Variants in CTIF observed in about 807,000 individuals in gnomAD.
CTIF encodes the protein CBP80/20-dependent translation initiation factor.
In CTIF, 21 loss-of-function variants were observed where a neutral mutation model predicts 66.0. That is an observed-to-expected ratio of 0.32 (90% confidence interval 0.23 to 0.46). The LOEUF (loss-of-function observed/expected upper bound fraction) is 0.46, where lower values mean the gene tolerates loss of function less well. Ranked by LOEUF, CTIF falls within the 20% of genes least tolerant of loss-of-function variation. The pLI is 1.00. For synonymous variants in CTIF, 345 were observed against 326.4 expected, an observed-to-expected ratio of 1.06 and a Z score of -0.62; for missense variants, 739 against 812.7, an observed-to-expected ratio of 0.91 and a Z score of 1.10.
intron 3 of CTIF, among the ~76,000 whole-genome samples, chr18:48,636,915 G>A (rs537229247): frequency 1.3e-5 from 2 of 152,246 alleles, no homozygotes; most frequent in South Asian, 2.1e-4. Context: ...TAGTAGCTGC[G>A]TTCTATATAT....
At chr18:48,698,802 C>A (rs1195689487) in intron 6 of CTIF, among the ~76,000 whole-genome samples, 1 of 152,142 alleles carries the variant, frequency 6.6e-6, no homozygotes, top group African/African-American at 2.4e-5. Flanking sequence ...ACACTTGTTT[C>A]TGTTTGAATG....
At chr18:48,681,331 G>A (rs1460494011) in intron 6 of CTIF, among the ~76,000 whole-genome samples, 1 of 152,202 alleles carries the variant, frequency 6.6e-6, no homozygotes, top group Non-Finnish European at 1.5e-5. Flanking sequence ...TCTGGAGGCA[G>A]CCGATGGCCA....
rs1908553190 is a variant in CTIF at position 48,757,925 on chromosome 18, G to A, written c.591G>A (p.Gln197=). Reference sequence around the variant, plus strand: ...TTTCCTCTTCCGTTTGCAGGCGGCAGCAGAGACCTCCGGGGGGCAACAAGC... The same window carrying A: ...TTTCCTCTTCCGTTTGCAGGCGGCAACAGAGACCTCCGGGGGGCAACAAGC... ...FRRRRNDRRR[Q]QRPPGGNKPQ... Residue 197 remains glutamine (Q), a synonymous_variant, in exon 8 of 12, where the codon CAG becomes CAA. Transcript: ENST00000256413. 1.9e-6 allele frequency: 3 copies of A among 1,610,414 alleles called. No homozygotes were observed. The highest frequency in any genetic ancestry group is 2.5e-6 in the Non-Finnish European group (3 of 1,177,550).
Position 48,639,020 on chromosome 18 carries a change from C to A in CTIF, c.252+2335C>A, listed in dbSNP as rs527293592. On this transcript the variant is annotated intron_variant, in intron 3 of 11. Transcript: ENST00000256413. ...CAGAGGGAAGAGGGAGAGATGTCTA[C>A]TTCCGAGAAGTGGAAGAGGGGCTGG... 3.9e-5 allele frequency among the ~76,000 whole-genome samples: 6 copies of A among 152,334 alleles called. No homozygotes were observed. The East Asian group carries it at 1.2e-3, about 29-fold the overall frequency.
At chr18:48,695,269 A>G (rs2091989486) in intron 6 of CTIF, among the ~76,000 whole-genome samples, 1 of 152,256 alleles carries the variant, frequency 6.6e-6, no homozygotes, top group Non-Finnish European at 1.5e-5. Flanking sequence ...GTTTAAAGCC[A>G]CATTCATTAT....
intron 9 of CTIF, among the ~76,000 whole-genome samples, chr18:48,789,634 C>T (rs1220769171): frequency 1.3e-5 from 2 of 152,142 alleles, no homozygotes; most frequent in Admixed American, 1.3e-4. Context: ...GTCACTTCTT[C>T]CTAAATTGGT....
chr18:48,691,559 C>T (rs1469979186), intron 6 of CTIF, among the ~76,000 whole-genome samples: 1 of 152,208 alleles, frequency 6.6e-6, no homozygotes, highest in Non-Finnish European at 1.5e-5. Context: ...AGAATCAGTC[C>T]TCTCCTAAAA....
Position 48,730,548 on chromosome 18 carries a change from T to C in CTIF, c.584+18853T>C, listed in dbSNP as rs866907831. 3.9e-3 allele frequency among the ~76,000 whole-genome samples: 22 copies of C among 5,618 alleles called. 8 individuals carry two copies. Among genetic ancestry groups the C allele is most frequent in the Admixed American group, 7.7e-3 (4 of 520 alleles). The allele number at this position is 5,618 out of a possible 152,430, so 3.7% of individuals were successfully genotyped here. A position where few individuals can be genotyped will look rare whatever the true frequency, so the allele number is the denominator to read the frequency against. ...AGGGGCCCCTGTGGTGTGAGGGGCTTCTGCTGTGTGAGGGGCTTCTGCGGT... is the reference window on the plus strand; with the variant it reads ...AGGGGCCCCTGTGGTGTGAGGGGCTCCTGCTGTGTGAGGGGCTTCTGCGGT... On this transcript the variant is annotated intron_variant, in intron 7 of 11. Coordinates refer to ENST00000256413, the MANE Select transcript of CTIF (RefSeq NM_014772.3).
intron 3 of CTIF, among the ~76,000 whole-genome samples, chr18:48,642,594 C>A (rs1015857005): frequency 3.9e-5 from 6 of 152,096 alleles, no homozygotes; most frequent in East Asian, 1.9e-4. Context: ...GATGTTGGAA[C>A]CTCTGTCCAA....
At chr18:48,770,995 T>TC (rs202081699) in intron 9 of CTIF, among the ~76,000 whole-genome samples, 139 of 151,118 alleles carry the variant, frequency 9.2e-4, no homozygotes, top group East Asian at 3.5e-3. Flanking sequence ...CATTTCCATT[T>TC]CCCCCCCCTA....
intron 1 of CTIF, among the ~76,000 whole-genome samples, chr18:48,558,466 T>C (rs566623380): frequency 1.9e-4 from 29 of 152,358 alleles, no homozygotes; most frequent in African/African-American, 6.5e-4. Context: ...TGGTAGAGTT[T>C]TGAATAATAC....
intron 2 of CTIF, among the ~76,000 whole-genome samples, chr18:48,620,942 C>T (rs917452961): frequency 6.6e-6 from 1 of 151,644 alleles, no homozygotes; most frequent in African/African-American, 2.4e-5. Context: ...CCTGTCCCCA[C>T]TGGGAAGCAG....
intron 10 of CTIF, among the ~76,000 whole-genome samples, chr18:48,817,640 G>A (rs1346069981): frequency 6.6e-6 from 1 of 152,144 alleles, no homozygotes; most frequent in Non-Finnish European, 1.5e-5. Flanking sequence ...ACCAGGCGTG[G>A]TGGTGGGTGC....
intron 7 of CTIF, among the ~76,000 whole-genome samples, chr18:48,717,484 C>T (rs1251069189): frequency 3.3e-5 from 5 of 152,008 alleles, no homozygotes; most frequent in South Asian, 4.2e-4. Context: ...CCTCTGCCAA[C>T]GTGAACCCAG....
At chr18:48,619,941 C>T (rs2090463900) in intron 2 of CTIF, among the ~76,000 whole-genome samples, 196 bp downstream of exon 2, 1 of 152,168 alleles carries the variant, frequency 6.6e-6, no homozygotes, top group Admixed American at 6.5e-5. Context: ...GCACCCCGTC[C>T]CTCTAACCCA....
intron 7 of CTIF, among the ~76,000 whole-genome samples, chr18:48,739,497 T>C (rs2145731853): frequency 6.6e-6 from 1 of 152,346 alleles, no homozygotes; most frequent in East Asian, 1.9e-4. Flanking sequence ...TGGCCCTGGC[T>C]CTGCCCTTGC....
At chr18:48,851,662 C>T (rs1284388397) in intron 10 of CTIF, among the ~76,000 whole-genome samples, 1 of 152,164 alleles carries the variant, frequency 6.6e-6, no homozygotes, top group Non-Finnish European at 1.5e-5. Flanking sequence ...GCACTTCCCT[C>T]CCCGGGAGAA....
At chr18:48,678,963 C>T (rs574815049) in intron 6 of CTIF, among the ~76,000 whole-genome samples, 3 of 152,348 alleles carry the variant, frequency 2.0e-5, no homozygotes, top group African/African-American at 7.2e-5. Context: ...CATTCACTTG[C>T]TTCCTGTCTG....
chr18:48,834,465 C>T (rs552505418), intron 10 of CTIF, among the ~76,000 whole-genome samples: 1 of 152,354 alleles, frequency 6.6e-6, no homozygotes, highest in Non-Finnish European at 1.5e-5. Context: ...CTATAGTTCG[C>T]CCCTCCCTGA....
Sources: allele counts gnomAD v4.1 joint callset (sites outside exome capture counted in the v4.1 genomes callset), GRCh38; gene constraint gnomAD v4.1.1; transcripts MANE v1.5; gene names NCBI Gene and HGNC (gene_info 2026-07-23, HGNC 2026-07-21).